PAFAH1B1: variants seen among roughly 807,000 people sequenced by gnomAD.
PAFAH1B1 encodes platelet-activating factor acetylhydrolase IB subunit beta.
PAFAH1B1 carries 2 observed loss-of-function variants against 57.5 expected under a neutral mutation model. That is an observed-to-expected ratio of 0.03 (90% CI 0.01 to 0.11). PAFAH1B1 has a LOEUF of 0.11. Among genes scored for constraint, PAFAH1B1 ranks in the 10% least tolerant of loss-of-function variants. The pLI is 1.00. For missense variants in PAFAH1B1, 257 were observed against 512.0 expected, an observed-to-expected ratio of 0.50 and a Z score of 4.81; for synonymous variants, 152 against 169.6, an observed-to-expected ratio of 0.90 and a Z score of 0.81.
At chr17:2,662,179 C>T (rs1020312263) in intron 2 of PAFAH1B1, among the ~76,000 whole-genome samples, 1 of 151,796 alleles carries the variant, frequency 6.6e-6, no homozygotes, top group Non-Finnish European at 1.5e-5. Flanking sequence ...TGCTTAAAAT[C>T]GAATGCTGGC....
chr17:2,626,121 G>C (rs907608141), intron 1 of PAFAH1B1, among the ~76,000 whole-genome samples: 22 of 151,954 alleles, frequency 1.4e-4, no homozygotes, highest in African/African-American at 5.3e-4. Flanking sequence ...AGGCATAGTG[G>C]TATGCACCTG....
intron 2 of PAFAH1B1, among the ~76,000 whole-genome samples, chr17:2,657,528 G>T (rs957506441): frequency 6.6e-6 from 1 of 152,242 alleles, no homozygotes; most frequent in Admixed American, 6.5e-5. Context: ...ACAGGCGTGA[G>T]CTACCACGCC....
At chr17:2,632,224 C>T (rs2068564593) in intron 1 of PAFAH1B1, among the ~76,000 whole-genome samples, 1 of 152,228 alleles carries the variant, frequency 6.6e-6, no homozygotes, top group African/African-American at 2.4e-5. Flanking sequence ...CCTCCACACT[C>T]AGCCTCATTG....
Position 2,674,705 on chromosome 17 carries a change from G to A in PAFAH1B1, c.900+417G>A, listed in dbSNP as rs190433139. Reference sequence around the variant, plus strand: ...TTATTTTTTAAAATTAATTCCAGATGTGATAGTATAAATGTTTTTTTAAAT... The same window carrying A: ...TTATTTTTTAAAATTAATTCCAGATATGATAGTATAAATGTTTTTTTAAAT... On this transcript the variant is annotated intron_variant, in intron 8 of 10. Transcript: ENST00000397195. 9.0e-4 allele frequency among the ~76,000 whole-genome samples: 137 copies of A among 152,290 alleles called. 2 individuals carry two copies. The highest frequency in any genetic ancestry group is 3.1e-3 in the African/African-American group (129 of 41,574).
rs373789687 is a variant in PAFAH1B1, at chr17:2,655,181, ATATG to A, written c.33-10189_33-10186del. On this transcript the variant is annotated intron_variant, in intron 2 of 10. Transcript: ENST00000397195. ...TCATTTAAAAAATATATATATACAT[ATATG>A]TGTGTGTGTGTGTGTGTGTGTGTGT... is the stretch of plus-strand genomic sequence containing the variant. Among the ~76,000 whole-genome samples, 935 of 122,742 alleles carry A rather than the reference ATATG, an allele frequency of 7.6e-3. 5 individuals are homozygous for A. Among genetic ancestry groups the A allele is most frequent in the Non-Finnish European group, 9.8e-3 (569 of 57,902 alleles). 80.5% of individuals were successfully genotyped at this position (122,742 alleles called of 152,430 possible).
At chr17:2,606,451 T>C (rs1183423752) in intron 1 of PAFAH1B1, among the ~76,000 whole-genome samples, 1 of 152,062 alleles carries the variant, frequency 6.6e-6, no homozygotes, top group African/African-American at 2.4e-5. Context: ...CTGCAACCTC[T>C]GCTTCCTGGG....
intron 2 of PAFAH1B1, among the ~76,000 whole-genome samples, chr17:2,656,070 C>G (rs569595337): frequency 5.9e-5 from 9 of 152,060 alleles, no homozygotes; most frequent in African/African-American, 9.7e-5. Flanking sequence ...CTACAGACAT[C>G]TGCCACCACG....
At chr17:2,633,452 G>A (rs1023463673) in intron 1 of PAFAH1B1, among the ~76,000 whole-genome samples, 2 of 151,482 alleles carry the variant, frequency 1.3e-5, no homozygotes, top group African/African-American at 2.4e-5. Context: ...ACAGGTGTGA[G>A]CCACTGTGCC....
rs545291613 is a variant in PAFAH1B1, at chr17:2,662,234, A to G, written c.33-3138A>G. 7.9e-5 allele frequency among the ~76,000 whole-genome samples: 12 copies of G among 152,232 alleles called. No homozygotes were observed. The South Asian group carries it at 2.5e-3, about 32-fold the overall frequency. The stretch of plus-strand genomic sequence containing the variant: ...AGTTTAGAAAATAATTTCATTCGTT[A>G]TGTTTGTAATAGTTTGATATTTAAG... On this transcript the variant is annotated intron_variant, in intron 2 of 10. Transcript: ENST00000397195.
chr17:2,642,972 T>C (rs1024136449), intron 2 of PAFAH1B1, among the ~76,000 whole-genome samples: 1 of 152,144 alleles, frequency 6.6e-6, no homozygotes, highest in African/African-American at 2.4e-5. Flanking sequence ...TACCCCCAAC[T>C]CCTTTCATCC....
At chr17:2,611,888 C>T (rs1198003272) in intron 1 of PAFAH1B1, among the ~76,000 whole-genome samples, 5 of 152,054 alleles carry the variant, frequency 3.3e-5, no homozygotes, top group Admixed American at 3.3e-4. Context: ...GTATGAAGTA[C>T]TATGAAGTCA....
rs1458380496 is a variant in PAFAH1B1, at chr17:2,593,776, C to G, written c.-421C>G. Reference sequence around the variant, plus strand: ...AAGGAGAAGGAGGGGAGCGCTCGGGCGCGAGCGAGAGAAACCGCGAGCGCC... The same window carrying G: ...AAGGAGAAGGAGGGGAGCGCTCGGGGGCGAGCGAGAGAAACCGCGAGCGCC... On this transcript the variant is annotated 5_prime_UTR_variant, in exon 1 of 11. Coordinates refer to ENST00000397195, the MANE Select transcript of PAFAH1B1 (RefSeq NM_000430.4). 1 of 388,542 alleles carries G rather than the reference C, an allele frequency of 2.6e-6. No homozygotes were observed. Among genetic ancestry groups the G allele is most frequent in the Admixed American group, 4.5e-5 (1 of 22,312 alleles). The allele number at this position is 388,542 out of a possible 1,614,324, so 24.1% of individuals were successfully genotyped here. A position where few individuals can be genotyped will look rare whatever the true frequency, so the allele number is the denominator to read the frequency against.
intron 2 of PAFAH1B1, 118 bp from the exon 3 acceptor site, chr17:2,665,254 G>T: frequency 1.4e-6 from 1 of 695,568 alleles, no homozygotes. Flanking sequence ...TGTATGATTT[G>T]AAAGGGAATA....
At chr17:2,677,066 TG>T (rs2069281207) in intron 9 of PAFAH1B1, among the ~76,000 whole-genome samples, 1 of 152,098 alleles carries the variant, frequency 6.6e-6, no homozygotes, top group Non-Finnish European at 1.5e-5. Flanking sequence ...GGCAGGAGAA[TG>T]GCGTGAACCC....
In PAFAH1B1 at chr17:2,667,031, G is replaced by C. The variant is rs1370319961; in HGVS notation, c.232G>C (p.Glu78Gln). Reference protein sequence around the residue: ...LESKLNEAKEEFTSGGPLGQK... With the variant: ...LESKLNEAKEQFTSGGPLGQK... ...ATCAAAGCTAAATGAAGCAAAAGAAGAATTTACGTCAGGTGGACCTCTTGG... is the reference window on the plus strand; with the variant it reads ...ATCAAAGCTAAATGAAGCAAAAGAACAATTTACGTCAGGTGGACCTCTTGG... Residue 78 changes from glutamate (E) to glutamine (Q), a missense_variant, in exon 5 of 11, where the codon GAA becomes CAA. By Grantham distance (29) the Glu-to-Gln change is conservative. Transcript: ENST00000397195. 6.2e-7 allele frequency: 1 copy of C among 1,613,828 alleles called. No individual in the cohort carries two copies. The highest frequency in any genetic ancestry group is 1.3e-5 in the African/African-American group (1 of 74,890).
chr17:2,645,525 A>G (rs1597548380), intron 2 of PAFAH1B1, among the ~76,000 whole-genome samples: 2 of 151,316 alleles, frequency 1.3e-5, no homozygotes, highest in African/African-American at 4.8e-5. Context: ...CCTGGGAGGC[A>G]GAGGTTGCAG....
chr17:2,617,520 A>G (rs1383646203), intron 1 of PAFAH1B1, among the ~76,000 whole-genome samples: 2 of 152,164 alleles, frequency 1.3e-5, no homozygotes, highest in African/African-American at 4.8e-5. Flanking sequence ...TGATAAACCA[A>G]CCTGATCTCT....
chr17:2,607,459 G>C (rs2068218244), intron 1 of PAFAH1B1, among the ~76,000 whole-genome samples: 1 of 151,022 alleles, frequency 6.6e-6, no homozygotes, highest in African/African-American at 2.4e-5. Flanking sequence ...ACAGGTGTGA[G>C]CCACCACGCC....
intron 2 of PAFAH1B1, among the ~76,000 whole-genome samples, chr17:2,647,409 C>T (rs192922760): frequency 7.2e-5 from 11 of 152,162 alleles, no homozygotes; most frequent in Non-Finnish European, 1.2e-4. Context: ...TGGCACACAC[C>T]TGTAATCTCA....
Sources: allele counts gnomAD v4.1 joint callset (sites outside exome capture counted in the v4.1 genomes callset), GRCh38; gene constraint gnomAD v4.1.1; transcripts MANE v1.5; gene names NCBI Gene and HGNC (gene_info 2026-07-23, HGNC 2026-07-21).